The following GNA14 variants were observed in gnomAD, a reference collection of about 807,000 sequenced individuals.
The protein encoded by GNA14 is G protein subunit alpha 14, also known as guanine nucleotide-binding protein subunit alpha-14.
GNA14 carries 50 observed loss-of-function variants against 42.0 expected under a neutral mutation model. The ratio of observed to expected loss-of-function variants is 1.19; its 90% CI spans 0.95 to 1.51. The LOEUF (loss-of-function observed/expected upper bound fraction) is 1.51. Ranked by LOEUF, GNA14 falls within the 40% of genes most tolerant of loss-of-function variation. The pLI is 0.00. For missense variants in GNA14, 473 were observed against 446.2 expected, an observed-to-expected ratio of 1.06 and a Z score of -0.54; for synonymous variants, 173 against 163.1, an observed-to-expected ratio of 1.06 and a Z score of -0.46.
At chr9:77,612,925 G>A (rs1443376063) in intron 1 of GNA14, among the ~76,000 whole-genome samples, 1 of 152,134 alleles carries the variant, frequency 6.6e-6, no homozygotes, top group African/African-American at 2.4e-5. Flanking sequence ...CACGTATAAT[G>A]CTCCCATTGC....
chr9:77,466,358 C>T lies in GNA14; in HGVS notation c.310-31836G>A, dbSNP rs564020115. 5.9e-5 allele frequency among the ~76,000 whole-genome samples: 9 copies of T among 152,138 alleles called. No individual in the cohort carries two copies. In the South Asian group the frequency reaches 8.3e-4, roughly 14 times the overall value. On this transcript the variant is annotated intron_variant, in intron 2 of 6. Transcript: ENST00000341700. Reference sequence around the variant, plus strand: ...TCGTTATCTCTCTTTAAGTTCACACCGATTTTTTCCTCTGTTAGCTCAAAT... The same window carrying T: ...TCGTTATCTCTCTTTAAGTTCACACTGATTTTTTCCTCTGTTAGCTCAAAT...
intron 2 of GNA14, among the ~76,000 whole-genome samples, chr9:77,490,640 A>G (rs1836755185): frequency 6.6e-6 from 1 of 152,168 alleles, no homozygotes; most frequent in Non-Finnish European, 1.5e-5. Context: ...TAAGCCCCTC[A>G]CTGCCCAGGC....
chr9:77,646,932 AGG>A (rs1031777992), intron 1 of GNA14, among the ~76,000 whole-genome samples: 4 of 152,330 alleles, frequency 2.6e-5, no homozygotes, highest in Non-Finnish European at 5.9e-5. Context: ...CAGAGGCACC[AGG>A]GCAGCCAAGC....
At chr9:77,445,783 AG>A (rs1340352121) in intron 2 of GNA14, among the ~76,000 whole-genome samples, 1 of 152,126 alleles carries the variant, frequency 6.6e-6, no homozygotes, top group African/African-American at 2.4e-5. Context: ...GTACGTGCCC[AG>A]GGGCCATTAA....
chr9:77,636,521 T>C (rs1261291053), intron 1 of GNA14, among the ~76,000 whole-genome samples: 1 of 152,202 alleles, frequency 6.6e-6, no homozygotes, highest in Non-Finnish European at 1.5e-5. Context: ...TTTATTTGGC[T>C]CATGAATCTC....
intron 2 of GNA14, among the ~76,000 whole-genome samples, chr9:77,450,449 G>A (rs1185657854): frequency 3.9e-5 from 6 of 152,056 alleles, no homozygotes; most frequent in South Asian, 4.2e-4. Context: ...AAATCTTGCC[G>A]ATTCTCATCA....
At chr9:77,565,666 C>T (rs1300513451) in intron 1 of GNA14, among the ~76,000 whole-genome samples, 1 of 152,206 alleles carries the variant, frequency 6.6e-6, no homozygotes, top group Non-Finnish European at 1.5e-5. Context: ...CTATGTTGGC[C>T]AGGCTGGTCT....
chr9:77,537,549 G>C (rs991299234), intron 1 of GNA14, among the ~76,000 whole-genome samples: 1 of 152,170 alleles, frequency 6.6e-6, no homozygotes, highest in Non-Finnish European at 1.5e-5. Context: ...ACATGCAAGC[G>C]CAGGTATTCC....
At chr9:77,545,462 ATTT>A (rs983950502) in intron 1 of GNA14, among the ~76,000 whole-genome samples, 1 of 152,216 alleles carries the variant, frequency 6.6e-6, no homozygotes, top group Admixed American at 6.5e-5. Flanking sequence ...GGTATACATT[ATTT>A]TTTAGCCCAC....
At chr9:77,638,326 A>G (rs1439623201) in intron 1 of GNA14, among the ~76,000 whole-genome samples, 2 of 152,240 alleles carry the variant, frequency 1.3e-5, no homozygotes, top group Non-Finnish European at 2.9e-5. Flanking sequence ...TATCAGGTCA[A>G]TTCCAAGATA....
At chr9:77,429,969 T>C (rs1421994630) in intron 4 of GNA14, among the ~76,000 whole-genome samples, 3 of 151,958 alleles carry the variant, frequency 2.0e-5, no homozygotes, top group African/African-American at 7.2e-5. Flanking sequence ...CACTGGGTCA[T>C]TGTGGTTAGG....
chr9:77,542,321 T>G (rs1174406999), intron 1 of GNA14, among the ~76,000 whole-genome samples: 1 of 152,220 alleles, frequency 6.6e-6, no homozygotes, highest in Non-Finnish European at 1.5e-5. Context: ...ATGGTGTCTG[T>G]GATTTCCTCA....
chr9:77,497,788 A>G (rs2131740899), intron 2 of GNA14, among the ~76,000 whole-genome samples: 1 of 149,122 alleles, frequency 6.7e-6, no homozygotes, highest in South Asian at 2.1e-4. Flanking sequence ...TTATGACCAT[A>G]TGACTTTATG....
chr9:77,560,891 T>C (rs1822873157), intron 1 of GNA14, among the ~76,000 whole-genome samples: 1 of 151,786 alleles, frequency 6.6e-6, no homozygotes, highest in South Asian at 2.1e-4. Flanking sequence ...CAAACAAAAG[T>C]CTCCTTAACT....
chr9:77,497,907 T>C (rs968234387), intron 2 of GNA14, among the ~76,000 whole-genome samples: 2 of 152,196 alleles, frequency 1.3e-5, no homozygotes, highest in African/African-American at 2.4e-5. Context: ...TACCCCATCT[T>C]AGCATTAATG....
rs71503227 is a variant in GNA14, at chr9:77,622,731, C to CAAA, written c.124+24936_124+24938dup. On this transcript the variant is annotated intron_variant, in intron 1 of 6. Coordinates refer to ENST00000341700, the MANE Select transcript of GNA14 (RefSeq NM_004297.4). ...GAAAACCCCGTCTCTACTAAAAATA[C>CAAA]AAAAAAAAGAAAAATAGCCAGGCGT... Among the ~76,000 whole-genome samples the CAAA allele has an allele frequency of 1.1e-4, 14 of 122,790 alleles. 1 individual carries two copies. The East Asian group carries it at 2.4e-3, about 21-fold the overall frequency. The allele number at this position is 122,790 out of a possible 152,430, so 80.6% of individuals were successfully genotyped here. A position where few individuals can be genotyped will look rare whatever the true frequency, so the allele number is the denominator to read the frequency against.
chr9:77,537,505 C>T (rs780312399), intron 1 of GNA14, among the ~76,000 whole-genome samples: 1 of 152,208 alleles, frequency 6.6e-6, no homozygotes, highest in South Asian at 2.1e-4. Flanking sequence ...AGGTTGATTC[C>T]TTATCTTTGC....
intron 1 of GNA14, among the ~76,000 whole-genome samples, chr9:77,634,140 A>G (rs1421842675): frequency 6.6e-6 from 1 of 152,130 alleles, no homozygotes; most frequent in African/African-American, 2.4e-5. Context: ...AAAATACAAG[A>G]AAATGGGCTG....
intron 4 of GNA14, among the ~76,000 whole-genome samples, chr9:77,429,957 G>A (rs1203786506): frequency 6.6e-6 from 1 of 151,788 alleles, no homozygotes; most frequent in Non-Finnish European, 1.5e-5. Context: ...AGTCCCTGAA[G>A]GCACTGGGTC....
Sources: allele counts gnomAD v4.1 joint callset (sites outside exome capture counted in the v4.1 genomes callset), GRCh38; gene constraint gnomAD v4.1.1; transcripts MANE v1.5; gene names NCBI Gene and HGNC (gene_info 2026-07-23, HGNC 2026-07-21).